The following DLG2 variants were observed in gnomAD, a reference collection of about 807,000 sequenced individuals.
DLG2 encodes discs large MAGUK scaffold protein 2.
Under a neutral mutation model 132.5 loss-of-function variants are expected in DLG2, and 45 were observed. The ratio of observed to expected loss-of-function variants is 0.34; its 90% CI spans 0.27 to 0.44. The LOEUF (loss-of-function observed/expected upper bound fraction) is 0.44. Ranked by LOEUF, DLG2 falls within the 20% of genes least tolerant of loss-of-function variation. DLG2 has a pLI of 1.00. For missense variants in DLG2, 1,045 were observed against 1,196.9 expected (o/e 0.87, Z 1.87); for synonymous variants, 424 against 419.6 (o/e 1.01, Z -0.13).
intron 11 of DLG2, among the ~76,000 whole-genome samples, chr11:84,048,707 T>G (rs546342475): frequency 4.6e-5 from 7 of 151,816 alleles, no homozygotes; most frequent in Admixed American, 4.6e-4. Context: ...AAACTTTGTT[T>G]TTAGTTTCTA....
chr11:84,105,186 AG>A (rs1260259218), intron 9 of DLG2, among the ~76,000 whole-genome samples: 28 of 152,184 alleles, frequency 1.8e-4, no homozygotes, highest in African/African-American at 6.8e-4. Flanking sequence ...AACTTCTATC[AG>A]TATCATGAAA....
intron 3 of DLG2, among the ~76,000 whole-genome samples, chr11:85,405,529 A>T (rs893542264): frequency 1.3e-5 from 2 of 152,022 alleles, no homozygotes; most frequent in African/African-American, 4.8e-5. Flanking sequence ...ATTTAAAAAC[A>T]GTTAATGTGC....
At chr11:85,161,035 G>A (rs969416324) in intron 4 of DLG2, among the ~76,000 whole-genome samples, 6 of 152,204 alleles carry the variant, frequency 3.9e-5, no homozygotes, top group Non-Finnish European at 7.3e-5. Context: ...TTGGCTAGAT[G>A]GTCAGGGACT....
At chr11:84,293,723 G>GT (rs1567200025) in intron 7 of DLG2, among the ~76,000 whole-genome samples, 1 of 152,024 alleles carries the variant, frequency 6.6e-6, no homozygotes, top group African/African-American at 2.4e-5. Flanking sequence ...GCTCAGATGG[G>GT]TAAAAACTTC....
intron 7 of DLG2, among the ~76,000 whole-genome samples, chr11:84,533,072 C>G (rs1303299550): frequency 1.3e-5 from 2 of 152,174 alleles, no homozygotes; most frequent in Non-Finnish European, 2.9e-5. Context: ...GTCTTTTCTA[C>G]AAAACCTCTG....
chr11:85,291,953 C>T (rs954576581), intron 3 of DLG2, among the ~76,000 whole-genome samples: 56 of 152,128 alleles, frequency 3.7e-4, no homozygotes, highest in African/African-American at 1.2e-3. Context: ...CCTTACGCTT[C>T]CTCCAACATA....
intron 18 of DLG2, among the ~76,000 whole-genome samples, chr11:83,654,061 T>C (rs1218294266): frequency 6.6e-6 from 1 of 152,078 alleles, no homozygotes; most frequent in East Asian, 1.9e-4. Context: ...AATTTTGAAG[T>C]GCTGAATTTA....
chr11:84,413,301 C>T (rs149087585), intron 7 of DLG2, among the ~76,000 whole-genome samples: 6 of 152,108 alleles, frequency 3.9e-5, no homozygotes, highest in East Asian at 1.9e-4. Context: ...GCAGAAAGCA[C>T]GGAGTCAAAT....
intron 16 of DLG2, among the ~76,000 whole-genome samples, chr11:83,850,391 G>T (rs2154028877): frequency 6.6e-6 from 1 of 152,236 alleles, no homozygotes; most frequent in African/African-American, 2.4e-5. Context: ...TTGACCTTGT[G>T]ATCCACCCCT....
At chr11:84,754,613 C>G (rs2066614713) in intron 6 of DLG2, among the ~76,000 whole-genome samples, 1 of 151,968 alleles carries the variant, frequency 6.6e-6, no homozygotes, top group Non-Finnish European at 1.5e-5. Context: ...GCAAAAAGAT[C>G]AGTGGTTGGT....
intron 7 of DLG2, among the ~76,000 whole-genome samples, chr11:84,459,534 C>A (rs2099074637): frequency 6.6e-6 from 1 of 150,422 alleles, no homozygotes; most frequent in Non-Finnish European, 1.5e-5. Flanking sequence ...AAAATTAATA[C>A]TAGAAAATTT....
intron 18 of DLG2, among the ~76,000 whole-genome samples, chr11:83,641,025 C>A (rs953496137): frequency 2.0e-5 from 3 of 152,078 alleles, no homozygotes; most frequent in Non-Finnish European, 1.5e-5. Flanking sequence ...TCATCCCTAC[C>A]CCCATACATT....
At chr11:85,559,017 G>A (rs1284482555) in intron 3 of DLG2, among the ~76,000 whole-genome samples, 1 of 151,776 alleles carries the variant, frequency 6.6e-6, no homozygotes, top group African/African-American at 2.4e-5. Flanking sequence ...CCTATAGTAT[G>A]TAAGCTGTGA....
At chr11:84,983,484 A>T (rs925224194) in intron 6 of DLG2, among the ~76,000 whole-genome samples, 1 of 152,166 alleles carries the variant, frequency 6.6e-6, no homozygotes, top group Admixed American at 6.5e-5. Flanking sequence ...GAGAAAAAAA[A>T]ATCTGAACAG....
intron 16 of DLG2, among the ~76,000 whole-genome samples, 142 bp downstream of exon 16, chr11:83,874,262 AAGAAGGAAGGAAGGGG>A (rs1565442670): frequency 5.6e-5 from 1 of 17,978 alleles, no homozygotes; most frequent in Non-Finnish European, 9.0e-5. Flanking sequence ...GAAGGAAGGA[AAGAAGGAAGGAAGGGG>A]AGAAGGAAGG....
chr11:83,802,467 G>T (rs1301440499), intron 17 of DLG2, among the ~76,000 whole-genome samples: 1 of 152,094 alleles, frequency 6.6e-6, no homozygotes, highest in Non-Finnish European at 1.5e-5. Flanking sequence ...TAAGAAAAAA[G>T]CCTTCTGAAT....
intron 4 of DLG2, among the ~76,000 whole-genome samples, chr11:85,276,230 C>A (rs535839487): frequency 6.6e-6 from 1 of 152,154 alleles, no homozygotes; most frequent in African/African-American, 2.4e-5. Context: ...CCTTTCTCTG[C>A]GGGAGAAAAA....
intron 14 of DLG2, among the ~76,000 whole-genome samples, chr11:83,932,395 C>G (rs948775107): frequency 6.7e-6 from 1 of 148,564 alleles, no homozygotes; most frequent in Non-Finnish European, 1.5e-5. Flanking sequence ...CCACCACGCC[C>G]GGCTAATTTT....
At chr11:85,518,886 G>A (rs1269101580) in intron 3 of DLG2, among the ~76,000 whole-genome samples, 1 of 152,198 alleles carries the variant, frequency 6.6e-6, no homozygotes, top group East Asian at 1.9e-4. Flanking sequence ...TCAAGGTACA[G>A]CTCAGGTTGT....
Sources: gnomAD v4.1 joint callset for allele counts (sites outside exome capture counted in the v4.1 genomes callset) on GRCh38, gnomAD v4.1.1 for gene constraint, MANE v1.5 for transcripts, NCBI Gene and HGNC (gene_info 2026-07-23, HGNC 2026-07-21) for gene names.